STK11: variants seen among roughly 807,000 people sequenced by gnomAD.
The protein encoded by STK11 is serine/threonine-protein kinase STK11.
STK11 carries 8 observed loss-of-function variants against 47.3 expected under a neutral mutation model. That is an observed-to-expected ratio of 0.17 (90% CI 0.10 to 0.31). The LOEUF (loss-of-function observed/expected upper bound fraction) is 0.31, where lower values mean the gene tolerates loss of function less well. STK11 is among the 10% of genes least tolerant of loss of function. The pLI is 1.00. For synonymous variants in STK11, 330 were observed against 255.8 expected, an observed-to-expected ratio of 1.29 and a Z score of -2.77; for missense variants, 475 against 605.0, an observed-to-expected ratio of 0.79 and a Z score of 2.25.
chr19:1,208,191 C>T (rs1485612749), intron 1 of STK11, among the ~76,000 whole-genome samples: 3 of 151,960 alleles, frequency 2.0e-5, no homozygotes, highest in Admixed American at 6.6e-5. Context: ...GAAGGAGGTC[C>T]GGGGAGGGGC....
Position 1,226,578 on chromosome 19 carries a change from C to A in STK11, c.1233C>A (p.Pro411=), listed in dbSNP as rs1555740221. Reference sequence around the variant, plus strand: ...AATCCAGGGCGGAGGGCCGGGCCCCCAACCCTGCCCGCAAGGCCTGCTCCG... The same window carrying A: ...AATCCAGGGCGGAGGGCCGGGCCCCAAACCCTGCCCGCAAGGCCTGCTCCG... ...STKSRAEGRA[P]NPARKACSAS... Residue 411 remains proline, a synonymous_variant, in exon 9 of 10, where the codon CCC becomes CCA. Coordinates refer to ENST00000326873, the MANE Select transcript of STK11 (RefSeq NM_000455.5). The A allele has an allele frequency of 6.3e-7, 1 of 1,580,352 alleles. No homozygotes were observed. The highest frequency in any genetic ancestry group is 8.6e-7 in the Non-Finnish European group (1 of 1,164,776).
chr19:1,216,546 C>T (rs1337322205), intron 1 of STK11: 1 of 151,880 alleles, frequency 6.6e-6, no homozygotes. Context: ...TGCCATTGCA[C>T]TCTGGCCTGG....
Position 1,217,035 on chromosome 19 carries a change from G to A in STK11, c.291-1382G>A, listed in dbSNP as rs117082196. Among the ~76,000 whole-genome samples, 120 of 151,920 alleles carry A rather than the reference G, an allele frequency of 7.9e-4. 2 individuals are homozygous for A. In the East Asian group the frequency reaches 0.02, roughly 25 times the overall value. On this transcript the variant is annotated intron_variant, in intron 1 of 9. Coordinates refer to ENST00000326873, the MANE Select transcript of STK11 (RefSeq NM_000455.5). The stretch of plus-strand genomic sequence containing the variant: ...TGGTTCCACATCTCGGCTGCTGTGC[G>A]TCCTGCTGCTGTGAGCATCTCGTGC...
At chr19:1,223,215 C>T (rs765686391) in intron 8 of STK11, 43 bp downstream of exon 8, 8 of 1,581,272 alleles carry the variant, frequency 5.1e-6, no homozygotes, top group South Asian at 3.4e-5. Flanking sequence ...CTGACTCGGC[C>T]AGGATGTCCC....
chr19:1,208,584 A>G (rs111257246), intron 1 of STK11, among the ~76,000 whole-genome samples: 2,214 of 136,554 alleles, frequency 0.016, 42 homozygotes, highest in African/African-American at 0.058. Flanking sequence ...CTGGTACTAC[A>G]GGCGTGAGTC....
chr19:1,225,548 C>T (rs59436472), intron 8 of STK11: 198,730 of 985,354 alleles, frequency 0.2, 20,871 homozygotes, highest in East Asian at 0.3. Context: ...GGATTACAAG[C>T]GTGAGCCACC....
At chr19:1,219,646 C>T (rs1030652390) in intron 3 of STK11, among the ~76,000 whole-genome samples, 12 of 152,138 alleles carry the variant, frequency 7.9e-5, no homozygotes, top group African/African-American at 2.7e-4. Flanking sequence ...CCGAGGTTCA[C>T]GCCATTCTTC....
intron 8 of STK11, chr19:1,225,102 C>T: frequency 3.0e-6 from 3 of 986,004 alleles, no homozygotes; most frequent in Non-Finnish European, 3.6e-6. Context: ...GGGCTAGATC[C>T]TGGGCACCAG....
rs1050681681 is a variant in STK11 at position 1,205,809 on chromosome 19, C to G, written c.-1105C>G. 5 of 205,014 alleles carry G rather than the reference C, an allele frequency of 2.4e-5. No individual in the cohort carries two copies. Among genetic ancestry groups the G allele is most frequent in the African/African-American group, 1.1e-4 (5 of 43,674 alleles). 12.7% of individuals were successfully genotyped at this position (205,014 alleles called of 1,614,324 possible). On this transcript the variant is annotated 5_prime_UTR_variant, in exon 1 of 10. Transcript: ENST00000326873. ...AACAAGATGGCGGCGGCGTGTCGGG[C>G]GCGGAAGGGGGAGGCGGCCCGGGGC... is the stretch of plus-strand genomic sequence containing the variant.
At chr19:1,220,182 C>A in intron 3 of STK11, 191 bp from the exon 4 acceptor site, 2 of 670,068 alleles carry the variant, frequency 3.0e-6, no homozygotes, top group Non-Finnish European at 4.8e-6. Flanking sequence ...CTCGGCCGGA[C>A]GAGGGTGGCC....
chr19:1,220,277 C>T (rs2145423797), intron 3 of STK11, 96 bp from the exon 4 acceptor site: 1 of 1,474,294 alleles, frequency 6.8e-7, no homozygotes, highest in South Asian at 1.3e-5. Flanking sequence ...CCCAGCTGGG[C>T]CTGTGGTGTT....
At chr19:1,224,652 G>T (rs1025497980) in intron 8 of STK11, 12 of 985,550 alleles carry the variant, frequency 1.2e-5, no homozygotes, top group African/African-American at 5.2e-5. Context: ...CCCTCCTGGG[G>T]ACCCTCAGGC....
intron 8 of STK11, chr19:1,225,446 GT>G (rs1414913069): frequency 3.2e-5 from 26 of 809,652 alleles, no homozygotes; most frequent in African/African-American, 5.6e-5. Context: ...ATTTTTGTAT[GT>G]TTAGTAGAGA....
At chr19:1,224,393 G>T in intron 8 of STK11, 3 of 985,454 alleles carry the variant, frequency 3.0e-6, no homozygotes, top group Non-Finnish European at 3.6e-6. Context: ...GTGCTGGGAG[G>T]TGGGGGCCCC....
chr19:1,228,398 A>T lies in STK11; in HGVS notation c.*822A>T. 1 of 228,444 alleles carries T rather than the reference A, an allele frequency of 4.4e-6. No individual in the cohort carries two copies. Among genetic ancestry groups the T allele is most frequent in the Non-Finnish European group, 8.7e-6 (1 of 115,038 alleles). 14.2% of individuals were successfully genotyped at this position (228,444 alleles called of 1,614,324 possible). A position where few individuals can be genotyped will look rare whatever the true frequency, so the allele number is the denominator to read the frequency against. ...GGTGCCGTGCGGGCGAGGCCGCCCA[A>T]ATTTGGCAATAAATAAAGCTTGGGA... On this transcript the variant is annotated 3_prime_UTR_variant, in exon 10 of 10. Transcript: ENST00000326873.
At chr19:1,211,189 C>T (rs1175393599) in intron 1 of STK11, among the ~76,000 whole-genome samples, 4 of 152,214 alleles carry the variant, frequency 2.6e-5, no homozygotes, top group Non-Finnish European at 5.9e-5. Context: ...CAAGGAGAAT[C>T]GCTTGAACCT....
At chr19:1,220,038 T>C in intron 3 of STK11, 1 of 294,688 alleles carries the variant, frequency 3.4e-6, no homozygotes, top group Non-Finnish European at 6.5e-6. Flanking sequence ...GGCCTCAGAG[T>C]CAGGGCCCCT....
At chr19:1,222,817 G>T (rs1420269737) in intron 7 of STK11, among the ~76,000 whole-genome samples, 168 bp from the exon 8 acceptor site, 1 of 152,216 alleles carries the variant, frequency 6.6e-6, no homozygotes, top group East Asian at 1.9e-4. Context: ...CAGCCTGCCT[G>T]CTCCTAGAGG....
chr19:1,225,147 G>T, intron 8 of STK11: 2 of 985,506 alleles, frequency 2.0e-6, no homozygotes, highest in South Asian at 4.7e-5. Context: ...CAAGGGCCCA[G>T]TGGCGGCTGT....
Sources: gnomAD v4.1 joint callset for allele counts (sites outside exome capture counted in the v4.1 genomes callset) on GRCh38, gnomAD v4.1.1 for gene constraint, MANE v1.5 for transcripts, NCBI Gene and HGNC (gene_info 2026-07-23, HGNC 2026-07-21) for gene names.